The following NCKAP5 variants were observed in gnomAD, a reference collection of about 807,000 sequenced individuals.
NCKAP5 encodes nck-associated protein 5.
A neutral mutation model predicts 167.0 loss-of-function variants in NCKAP5; 92 were observed. The observed-to-expected ratio is 0.55, with a 90% CI of 0.47 to 0.66. The LOEUF is 0.66. Among genes scored for constraint, NCKAP5 ranks in the 30% least tolerant of loss-of-function variants. The pLI is 0.00. For synonymous variants in NCKAP5, 891 were observed against 877.4 expected (o/e 1.02, Z -0.27); for missense variants, 2,378 against 2,315.0 (o/e 1.03, Z -0.56).
the NCKAP5 span, among the ~76,000 whole-genome samples, chr2:133,663,424 AAG>A: frequency 6.6e-6 from 1 of 152,222 alleles, no homozygotes; most frequent in Non-Finnish European, 1.5e-5. Context: ...TTGTTAAAAT[AAG>A]AAAAAAATAA....
chr2:133,512,397 A>G (rs1333969978), intron 3 of NCKAP5, among the ~76,000 whole-genome samples: 1 of 152,224 alleles, frequency 6.6e-6, no homozygotes, highest in African/African-American at 2.4e-5. Flanking sequence ...AGGACTTTCA[A>G]AATTCCCATT....
At chr2:133,529,348 G>A (rs1220591307) in intron 2 of NCKAP5, among the ~76,000 whole-genome samples, 2 of 151,900 alleles carry the variant, frequency 1.3e-5, no homozygotes, top group African/African-American at 4.8e-5. Flanking sequence ...CTATATAAGT[G>A]GCATTGACAT....
chr2:133,131,452 T>C (rs911085400), intron 5 of NCKAP5, among the ~76,000 whole-genome samples: 2 of 152,252 alleles, frequency 1.3e-5, no homozygotes, highest in African/African-American at 4.8e-5. Context: ...TGTGAATTTA[T>C]CATAATTCTC....
At chr2:133,210,022 G>A (rs1574389387) in intron 5 of NCKAP5, among the ~76,000 whole-genome samples, 1 of 151,758 alleles carries the variant, frequency 6.6e-6, no homozygotes, top group Non-Finnish European at 1.5e-5. Context: ...AAAATGAGCT[G>A]GGTGTGGTGG....
At chr2:133,377,660 C>T (rs1686239223) in intron 3 of NCKAP5, among the ~76,000 whole-genome samples, 1 of 152,298 alleles carries the variant, frequency 6.6e-6, no homozygotes, top group East Asian at 1.9e-4. Context: ...CAGTGACCCC[C>T]TAATTTGCCT....
chr2:132,923,789 T>A lies in NCKAP5; in HGVS notation c.579+39931A>T, dbSNP rs558360198. ...CTTATTTGGTAGAAAAAGCTAATTA[T>A]TATTAAAAATTTTAATAAAAATGAG... On this transcript the variant is annotated intron_variant, in intron 8 of 19. Coordinates refer to ENST00000409261, the MANE Select transcript of NCKAP5 (RefSeq NM_207363.3). Among the ~76,000 whole-genome samples the A allele has an allele frequency of 3.0e-4, 46 of 152,288 alleles. 1 individual carries two copies. The South Asian group carries it at 9.5e-3, about 32-fold the overall frequency.
At chr2:132,853,723 C>T (rs1689252213) in intron 11 of NCKAP5, among the ~76,000 whole-genome samples, 1 of 152,156 alleles carries the variant, frequency 6.6e-6, no homozygotes, top group African/African-American at 2.4e-5. Context: ...ACAATCTCTA[C>T]AGCTTACGGA....
At chr2:133,201,047 T>A (rs997043837) in intron 5 of NCKAP5, among the ~76,000 whole-genome samples, 1 of 152,120 alleles carries the variant, frequency 6.6e-6, no homozygotes, top group Admixed American at 6.6e-5. Flanking sequence ...ACAACAATAA[T>A]AAAATAGAAT....
chr2:133,051,571 C>T (rs910022677), intron 6 of NCKAP5, among the ~76,000 whole-genome samples: 18 of 152,190 alleles, frequency 1.2e-4, no homozygotes, highest in African/African-American at 3.9e-4. Flanking sequence ...CACAGGATGC[C>T]GAACCCAGGC....
At chr2:133,259,544 C>G (rs948741260) in intron 4 of NCKAP5, among the ~76,000 whole-genome samples, 1 of 152,110 alleles carries the variant, frequency 6.6e-6, no homozygotes, top group Non-Finnish European at 1.5e-5. Flanking sequence ...ATAAAAATCT[C>G]AGAGTAATGT....
chr2:132,879,324 A>C (rs1691568347), intron 8 of NCKAP5, among the ~76,000 whole-genome samples: 1 of 152,256 alleles, frequency 6.6e-6, no homozygotes, highest in South Asian at 2.1e-4. Context: ...AGAATCTCAC[A>C]TAAAGTCATG....
At position 132,782,910 on chromosome 2, in the gene NCKAP5, T is replaced by C; in HGVS notation, c.3901A>G (p.Ile1301Val). 6.2e-7 allele frequency: 1 copy of C among 1,613,960 alleles called. No homozygotes were observed. Among genetic ancestry groups the C allele is most frequent in the Non-Finnish European group, 8.5e-7 (1 of 1,179,882 alleles). ...CCTCTCTCGGCGGTATTGGTAATGA[T>C]CTGAGTGCGGACTTTGCCTGACCCT... ...IEGSGKVRTQIITNTAERGNS... is the reference protein window; with the variant it reads ...IEGSGKVRTQVITNTAERGNS... The change falls in exon 14 of 20, where the codon ATC (isoleucine) becomes GTC (valine). Residue 1301 changes from isoleucine (I) to valine (V), a missense_variant. This residue lies in a region of NCKAP5 where 1,325 missense variants were observed against 1,274.5 expected (regional missense o/e 1.04). Transcript: ENST00000409261.
At chr2:133,563,564 TAAAAAAAAA>T (rs57901498) in intron 1 of NCKAP5, among the ~76,000 whole-genome samples, 29 of 53,016 alleles carry the variant, frequency 5.5e-4, no homozygotes, top group African/African-American at 1.8e-3. Context: ...AAAGACTCCA[TAAAAAAAAA>T]AAAAAAAAAA....
intron 19 of NCKAP5, among the ~76,000 whole-genome samples, chr2:132,716,023 G>A (rs1028346305): frequency 2.6e-5 from 4 of 152,132 alleles, no homozygotes; most frequent in African/African-American, 9.7e-5. Context: ...ATTGTAAGGT[G>A]TTTAGCCTCA....
At chr2:133,230,824 T>A (rs1221466931) in intron 4 of NCKAP5, among the ~76,000 whole-genome samples, 1 of 152,212 alleles carries the variant, frequency 6.6e-6, no homozygotes, top group East Asian at 1.9e-4. Context: ...TATTAATAAC[T>A]GGTATCTCTT....
At chr2:133,210,001 C>G (rs1471107458) in intron 5 of NCKAP5, among the ~76,000 whole-genome samples, 1 of 151,822 alleles carries the variant, frequency 6.6e-6, no homozygotes, top group Non-Finnish European at 1.5e-5. Context: ...CCCATCACTA[C>G]TAAAAATACA....
At chr2:132,769,273 T>C (rs921014414) in intron 16 of NCKAP5, among the ~76,000 whole-genome samples, 1 of 152,130 alleles carries the variant, frequency 6.6e-6, no homozygotes, top group Non-Finnish European at 1.5e-5. Flanking sequence ...TCTCTTGTAA[T>C]CAACTCATAA....
intron 3 of NCKAP5, among the ~76,000 whole-genome samples, chr2:133,509,634 C>CTACA (rs1268792554): frequency 6.6e-6 from 1 of 152,188 alleles, no homozygotes; most frequent in East Asian, 1.9e-4. Flanking sequence ...CTCAGGAAAC[C>CTACA]TACAGTCAGG....
chr2:133,492,766 T>C (rs768517118), intron 3 of NCKAP5, among the ~76,000 whole-genome samples: 7 of 152,214 alleles, frequency 4.6e-5, no homozygotes, highest in African/African-American at 1.7e-4. Context: ...GTTGATCTAA[T>C]ATAAAATCCA....
Sources: gnomAD v4.1 joint callset for allele counts (sites outside exome capture counted in the v4.1 genomes callset) on GRCh38, gnomAD v4.1.1 for gene constraint, gnomAD v4.1.1 regional missense constraint, MANE v1.5 for transcripts, NCBI Gene and HGNC (gene_info 2026-07-23, HGNC 2026-07-21) for gene names.